The following SEMA3C variants were observed in gnomAD, a reference collection of about 807,000 sequenced individuals.
SEMA3C encodes the protein semaphorin 3C.
A neutral mutation model predicts 89.4 loss-of-function variants in SEMA3C; 47 were observed. The observed-to-expected ratio is 0.53, with a 90% CI of 0.42 to 0.67. The LOEUF (loss-of-function observed/expected upper bound fraction) is 0.67. Ranked by LOEUF, SEMA3C falls within the 30% of genes least tolerant of loss-of-function variation. The pLI, the probability that SEMA3C is intolerant of heterozygous loss-of-function variation, is 0.00. For synonymous variants in SEMA3C, 310 were observed against 320.2 expected (o/e 0.97, Z 0.34); for missense variants, 839 against 929.1 (o/e 0.90, Z 1.26).
intron 2 of SEMA3C, among the ~76,000 whole-genome samples, chr7:80,835,546 T>C (rs930104682): frequency 4.6e-5 from 7 of 152,168 alleles, no homozygotes; most frequent in African/African-American, 1.7e-4. Flanking sequence ...CTGAGGCTTA[T>C]TGTTTTGAAA....
At chr7:80,755,484 A>G (rs890732344) in intron 15 of SEMA3C, among the ~76,000 whole-genome samples, 22 of 151,484 alleles carry the variant, frequency 1.5e-4, no homozygotes, top group African/African-American at 5.3e-4. Flanking sequence ...GCTGAGAAGG[A>G]GTACTGATGT....
chr7:80,901,455 C>T (rs1182494167), intron 2 of SEMA3C, among the ~76,000 whole-genome samples: 2 of 152,196 alleles, frequency 1.3e-5, no homozygotes, highest in African/African-American at 2.4e-5. Context: ...ATATTTTACA[C>T]CTGCAACTAT....
At chr7:80,886,815 C>A (rs1204584573) in intron 2 of SEMA3C, among the ~76,000 whole-genome samples, 1 of 152,108 alleles carries the variant, frequency 6.6e-6, no homozygotes, top group Non-Finnish European at 1.5e-5. Context: ...AGCATTTATT[C>A]TAACCTTAAA....
chr7:80,823,569 G>A (rs73139728), intron 4 of SEMA3C, among the ~76,000 whole-genome samples: 22,144 of 151,764 alleles, frequency 0.15, 1,954 homozygotes, highest in Non-Finnish European at 0.2. Context: ...TCTTCTTCTT[G>A]GTCTATACCT....
chr7:80,762,695 C>G (rs183300260), intron 13 of SEMA3C, among the ~76,000 whole-genome samples: 1 of 152,036 alleles, frequency 6.6e-6, no homozygotes, highest in Non-Finnish European at 1.5e-5. Context: ...TGCCTGTAAT[C>G]CCAGCTACTC....
At position 80,761,676 on chromosome 7, in the gene SEMA3C, A is replaced by T; in HGVS notation, c.1444-19T>A. The T allele has an allele frequency of 7.8e-7, 1 of 1,288,818 alleles. No individual in the cohort carries two copies. Among genetic ancestry groups the T allele is most frequent in the South Asian group, 1.4e-5 (1 of 71,974 alleles). The allele number at this position is 1,288,818 out of a possible 1,614,324, so 79.8% of individuals were successfully genotyped here. The stretch of plus-strand genomic sequence containing the variant: ...CATGATTCTAAAATATTAGAAAACA[A>T]CATGTTAGTTGCTCAAATATTGCTT... On this transcript the variant is annotated intron_variant, in intron 13 of 17. Coordinates refer to ENST00000265361, the MANE Select transcript of SEMA3C (RefSeq NM_006379.5).
chr7:80,813,866 AC>A lies in SEMA3C; in HGVS notation c.448-3166del, dbSNP rs532282349. On this transcript the variant is annotated intron_variant, in intron 5 of 17. Transcript: ENST00000265361. ...TCAATCCACTTTAATTCAGCGTCTA[AC>A]GTCAATTATTGCATTGAAACACTTA... Among the ~76,000 whole-genome samples the A allele has an allele frequency of 1.0e-3, 156 of 152,296 alleles. 1 individual carries two copies. The highest frequency in any genetic ancestry group is 3.7e-3 in the African/African-American group (152 of 41,562).
intron 2 of SEMA3C, among the ~76,000 whole-genome samples, chr7:80,859,514 T>A (rs1790721752): frequency 6.6e-6 from 1 of 152,150 alleles, no homozygotes; most frequent in Admixed American, 6.6e-5. Context: ...CCTCTCTAAG[T>A]CAGGACAGCA....
intron 17 of SEMA3C, 103 bp from the exon 18 acceptor site, chr7:80,745,410 A>G (rs1386289120): frequency 4.2e-6 from 5 of 1,184,406 alleles, no homozygotes; most frequent in Non-Finnish European, 5.9e-6. Context: ...ATTTGGGAAA[A>G]AAGTATTGAG....
chr7:80,888,152 C>G lies in SEMA3C; in HGVS notation c.103+28527G>C, dbSNP rs534172141. On this transcript the variant is annotated intron_variant, in intron 2 of 17. Transcript: ENST00000265361. ...ATTGGCCAAGTGTGGTGGCTCATGC[C>G]TGTAAATCCCAGCACTTTGAGAGGC... is the stretch of plus-strand genomic sequence containing the variant. 2.1e-4 allele frequency among the ~76,000 whole-genome samples: 32 copies of G among 152,240 alleles called. No homozygotes were observed. In the South Asian group the frequency reaches 5.8e-3, roughly 28 times the overall value.
intron 14 of SEMA3C, 44 bp downstream of exon 14, chr7:80,761,570 CAA>C: frequency 9.7e-7 from 1 of 1,030,556 alleles, no homozygotes; most frequent in Non-Finnish European, 1.4e-6. Flanking sequence ...TTCATAACAA[CAA>C]AACATTTCAA....
At chr7:80,771,550 G>C (rs1788434436) in intron 12 of SEMA3C, among the ~76,000 whole-genome samples, 1 of 152,016 alleles carries the variant, frequency 6.6e-6, no homozygotes, top group Non-Finnish European at 1.5e-5. Context: ...ACTGTCTCTA[G>C]CCAAGAAATC....
In SEMA3C at chr7:80,913,900, A is replaced by T. The variant is rs146607661; in HGVS notation, c.103+2779T>A. ...GGAGAAGAGACTCATTGCTCTACAC[A>T]CCTTGAAATTGCCTATGATGCTTAT... On this transcript the variant is annotated intron_variant, in intron 2 of 17. Transcript: ENST00000265361. Among the ~76,000 whole-genome samples the T allele has an allele frequency of 1.7e-3, 262 of 152,258 alleles. 1 individual carries two copies. Among genetic ancestry groups the T allele is most frequent in the African/African-American group, 6.0e-3 (248 of 41,558 alleles).
chr7:80,851,751 G>A (rs1790518901), intron 2 of SEMA3C, among the ~76,000 whole-genome samples: 1 of 151,536 alleles, frequency 6.6e-6, no homozygotes, highest in South Asian at 2.1e-4. Flanking sequence ...GGCAGTCACA[G>A]CACAAAATGG....
intron 10 of SEMA3C, among the ~76,000 whole-genome samples, chr7:80,798,583 T>C (rs1196879070): frequency 2.6e-5 from 4 of 152,200 alleles, no homozygotes; most frequent in Non-Finnish European, 5.9e-5. Flanking sequence ...GAATTCCAAA[T>C]CACTATCAAT....
At chr7:80,907,560 A>G (rs1792044560) in intron 2 of SEMA3C, among the ~76,000 whole-genome samples, 1 of 152,090 alleles carries the variant, frequency 6.6e-6, no homozygotes, top group South Asian at 2.1e-4. Flanking sequence ...GATGCCAGAA[A>G]GATTGTTTTT....
At chr7:80,857,025 A>C (rs2115968210) in intron 2 of SEMA3C, among the ~76,000 whole-genome samples, 1 of 152,222 alleles carries the variant, frequency 6.6e-6, no homozygotes, top group East Asian at 1.9e-4. Context: ...TCATTCTAAC[A>C]ACCACATGCG....
At chr7:80,901,928 T>C (rs1337193038) in intron 2 of SEMA3C, among the ~76,000 whole-genome samples, 3 of 152,188 alleles carry the variant, frequency 2.0e-5, no homozygotes, top group Non-Finnish European at 4.4e-5. Context: ...AAAGGCCATG[T>C]AAAGTTTTTC....
chr7:80,789,483 A>T lies in SEMA3C; in HGVS notation c.1177T>A (p.Phe393Ile), dbSNP rs749970715. ...ATAAAAGTGACAACATCATCTGGGAACTCCTTGGTGGTTCGCATATTGGGT... is the reference window on the plus strand; with the variant it reads ...ATAAAAGTGACAACATCATCTGGGATCTCCTTGGTGGTTCGCATATTGGGT... Reference protein sequence around the residue: ...FTPNMRTTKEFPDDVVTFIRN... With the variant: ...FTPNMRTTKEIPDDVVTFIRN... The change falls in exon 12 of 18, where the codon TTC becomes ATC. Residue 393 changes from phenylalanine (F) to isoleucine (I), a missense_variant. Phe to Ile is a conservative substitution (Grantham distance 21, BLOSUM62 0). Coordinates refer to ENST00000265361, the MANE Select transcript of SEMA3C (RefSeq NM_006379.5). 9.3e-6 allele frequency: 15 copies of T among 1,613,702 alleles called. No individual in the cohort carries two copies. The Middle Eastern group carries it at 6.6e-4, about 71-fold the overall frequency.
Sources: allele counts gnomAD v4.1 joint callset (sites outside exome capture counted in the v4.1 genomes callset), GRCh38; gene constraint gnomAD v4.1.1; transcripts MANE v1.5; gene names NCBI Gene and HGNC (gene_info 2026-07-23, HGNC 2026-07-21).